CYREN: variants seen among roughly 807,000 people sequenced by gnomAD.
CYREN encodes the protein cell cycle regulator of NHEJ, also known as cell cycle regulator of non-homologous end joining.
In CYREN, 7 loss-of-function variants were observed where a neutral mutation model predicts 9.7. The observed-to-expected ratio is 0.72, with a 90% confidence interval of 0.41 to 1.36. The LOEUF (loss-of-function observed/expected upper bound fraction) is 1.36, where lower values mean the gene tolerates loss of function less well. Ranked by LOEUF, CYREN falls within the 40% of genes most tolerant of loss-of-function variation. The pLI is 0.01. For missense variants in CYREN, 215 were observed against 198.1 expected (o/e 1.09, Z -0.51); for synonymous variants, 76 against 77.9 (o/e 0.98, Z 0.13).
downstream of CYREN, chr7:135,165,147 C>T (rs577709401): frequency 4.9e-4 from 455 of 920,068 alleles, 3 homozygotes; most frequent in South Asian, 3.8e-3. Context: ...TCAAAGAGGC[C>T]GAGGGGCAGC....
intron 2 of CYREN, among the ~76,000 whole-genome samples, chr7:135,136,005 A>G (rs111893563): frequency 6.6e-6 from 1 of 152,238 alleles, no homozygotes; most frequent in African/African-American, 2.4e-5. Context: ...GAACACTGGA[A>G]TAAGTCCAGC....
chr7:135,129,710 T>C, intron 2 of CYREN: 1 of 754,770 alleles, frequency 1.3e-6, no homozygotes, highest in South Asian at 1.4e-5. Context: ...CTGCTCAAGA[T>C]ATGGAAGTGG....
At chr7:135,163,549 G>A (rs1199565213), downstream of CYREN, among the ~76,000 whole-genome samples, 1 of 152,176 alleles carries the variant, frequency 6.6e-6, no homozygotes, top group East Asian at 1.9e-4. Context: ...GGAGGCTGAG[G>A]CAGGAGACTT....
At chr7:135,128,658 G>C in intron 2 of CYREN, 1 of 1,046,910 alleles carries the variant, frequency 9.6e-7, no homozygotes, top group African/African-American at 1.6e-5. Context: ...ATTTCTTAAG[G>C]AAGAGACCCT....
At chr7:135,116,568 C>T (rs1468152937) in intron 2 of CYREN, among the ~76,000 whole-genome samples, 3 of 152,108 alleles carry the variant, frequency 2.0e-5, no homozygotes, top group Non-Finnish European at 4.4e-5. Context: ...ATGGAAATCT[C>T]GGCTCCCCAT....
rs762217592 is a variant in CYREN at position 135,166,589 on chromosome 7, A to G, written c.*22T>C. On this transcript the variant is annotated 3_prime_UTR_variant, in exon 4 of 4. Coordinates refer to ENST00000393114, the MANE Select transcript of CYREN (RefSeq NM_024033.4). The stretch of plus-strand genomic sequence containing the variant: ...TGTCCTCCAGCTGCTCTCGGCAGAC[A>G]GTTCAGTGCACAGTTTATGCCCTAG... 6.5e-7 allele frequency: 1 copy of G among 1,549,612 alleles called. No homozygotes were observed. Among genetic ancestry groups the G allele is most frequent in the Non-Finnish European group, 8.7e-7 (1 of 1,150,106 alleles).
At chr7:135,139,788 A>G (rs1002376899) in intron 2 of CYREN, among the ~76,000 whole-genome samples, 3 of 152,146 alleles carry the variant, frequency 2.0e-5, no homozygotes, top group Non-Finnish European at 4.4e-5. Flanking sequence ...TTTTCTGCAT[A>G]TGACTAGCCA....
chr7:135,097,877 A>G (rs11761570), intron 2 of CYREN, among the ~76,000 whole-genome samples: 8,261 of 152,224 alleles, frequency 0.054, 301 homozygotes, highest in Middle Eastern at 0.18. Context: ...AGGAGCATAC[A>G]AGTTAAACAG....
chr7:135,132,585 G>A (rs1828924354), intron 2 of CYREN, among the ~76,000 whole-genome samples: 1 of 152,128 alleles, frequency 6.6e-6, no homozygotes, highest in Admixed American at 6.6e-5. Flanking sequence ...ACCTTTAATT[G>A]TAATAATCCC....
chr7:135,171,982 T>C (rs292512), upstream of CYREN, among the ~76,000 whole-genome samples: 111,460 of 152,174 alleles, frequency 0.73, 42,026 homozygotes, highest in Admixed American at 0.84. Context: ...CAAGACTAGT[T>C]TTTGGAACTT....
chr7:135,164,894 T>C, downstream of CYREN: 1 of 1,614,226 alleles, frequency 6.2e-7, no homozygotes, highest in East Asian at 2.2e-5. Flanking sequence ...GGCCTGGGTT[T>C]CTAGCTCTGG....
chr7:135,171,531 A>T (rs1197897982), upstream of CYREN, among the ~76,000 whole-genome samples: 1 of 114,750 alleles, frequency 8.7e-6, no homozygotes, highest in Non-Finnish European at 2.0e-5. Context: ...CGGTGCATGC[A>T]GCCCCTGTCA....
chr7:135,106,882 T>C (rs1254866356), intron 2 of CYREN, among the ~76,000 whole-genome samples: 1 of 152,168 alleles, frequency 6.6e-6, no homozygotes, highest in Non-Finnish European at 1.5e-5. Context: ...TTACTGATTC[T>C]ATTTCAGAGG....
At chr7:135,143,682 C>T (rs186025345) in intron 2 of CYREN, among the ~76,000 whole-genome samples, 222 of 152,236 alleles carry the variant, frequency 1.5e-3, no homozygotes, top group Admixed American at 2.7e-3. Context: ...AGATCCAGCT[C>T]TAAAACAGCA....
intron 2 of CYREN, among the ~76,000 whole-genome samples, chr7:135,110,676 T>C (rs1003759484): frequency 1.3e-5 from 2 of 152,238 alleles, no homozygotes; most frequent in Non-Finnish European, 2.9e-5. Flanking sequence ...GTTTTCTTTA[T>C]GAATCCAATG....
downstream of CYREN, among the ~76,000 whole-genome samples, chr7:135,163,670 T>G (rs939768401): frequency 1.6e-4 from 25 of 152,020 alleles, 1 homozygote; most frequent in African/African-American, 5.3e-4. Flanking sequence ...AACAAAAACG[T>G]CTAAGTTTTC....
At chr7:135,137,166 T>C (rs1829365022) in intron 2 of CYREN, among the ~76,000 whole-genome samples, 1 of 151,696 alleles carries the variant, frequency 6.6e-6, no homozygotes, top group African/African-American at 2.4e-5. Context: ...ATGGGAAAAT[T>C]GGACAATGCA....
At chr7:135,125,892 T>C (rs997315298) in intron 2 of CYREN, among the ~76,000 whole-genome samples, 1 of 152,064 alleles carries the variant, frequency 6.6e-6, no homozygotes, top group Non-Finnish European at 1.5e-5. Context: ...ATGGAACATA[T>C]CTCAAAATAA....
chr7:135,156,455 G>A (rs1247885854), intron 2 of CYREN, among the ~76,000 whole-genome samples: 2 of 151,628 alleles, frequency 1.3e-5, no homozygotes, highest in East Asian at 1.9e-4. Context: ...TCCTGTCTTC[G>A]AGTTCTGAGA....
Sources: gnomAD v4.1 joint callset for allele counts (sites outside exome capture counted in the v4.1 genomes callset) on GRCh38, gnomAD v4.1.1 for gene constraint, MANE v1.5 for transcripts, NCBI Gene and HGNC (gene_info 2026-07-23, HGNC 2026-07-21) for gene names.